The following PIGR variants were observed in gnomAD, a reference collection of about 807,000 sequenced individuals.
The protein encoded by PIGR is polymeric immunoglobulin receptor, also known as hepatocellular carcinoma associated protein TB6.
Under a neutral mutation model 69.5 loss-of-function variants are expected in PIGR, and 22 were observed. The ratio of observed to expected loss-of-function variants is 0.32; its 90% CI spans 0.23 to 0.45. The LOEUF (loss-of-function observed/expected upper bound fraction) is 0.45. PIGR is among the 20% of genes least tolerant of loss of function. The pLI is 1.00. For missense variants in PIGR, 885 were observed against 974.0 expected, an observed-to-expected ratio of 0.91 and a Z score of 1.22; for synonymous variants, 413 against 407.6, an observed-to-expected ratio of 1.01 and a Z score of -0.16.
rs917105320 is a variant in PIGR at position 206,935,156 on chromosome 1, A to T, written c.1378+330T>A. Among the ~76,000 whole-genome samples, 2 of 152,154 alleles carry T rather than the reference A, an allele frequency of 1.3e-5. No homozygotes were observed. Among genetic ancestry groups the T allele is most frequent in the African/African-American group, 2.4e-5 (1 of 41,420 alleles). ...ATCCAGAGTCTACCATAGACCATAG[A>T]TCTTCACACATGGACTTCAGTTTGC... On this transcript the variant is annotated intron_variant, in intron 5 of 10. Coordinates refer to ENST00000356495, the MANE Select transcript of PIGR (RefSeq NM_002644.4). This position sits in a 1 kb window ranked among gnomAD's most constrained non-coding sequence, Gnocchi z 4.4.
Position 206,946,341 on chromosome 1 carries a change from G to A in PIGR, c.-59C>T, listed in dbSNP as rs1680106615. On this transcript the variant is annotated 5_prime_UTR_variant, in exon 1 of 11. Coordinates refer to ENST00000356495, the MANE Select transcript of PIGR (RefSeq NM_002644.4). ...CCCAGAGCAGTAACACTTACTTTTA[G>A]CCACTTCCTTCTCTCCCGTTGATCT... 6.6e-6 allele frequency: 1 copy of A among 152,270 alleles called. No homozygotes were observed. Among genetic ancestry groups the A allele is most frequent in the Non-Finnish European group, 1.5e-5 (1 of 68,084 alleles). 9.4% of individuals were successfully genotyped at this position (152,270 alleles called of 1,614,324 possible). A position where few individuals can be genotyped will look rare whatever the true frequency, so the allele number is the denominator to read the frequency against.
chr1:206,931,889 C>A, intron 8 of PIGR, 87 bp from the exon 9 acceptor site: 1 of 1,463,390 alleles, frequency 6.8e-7, no homozygotes, highest in East Asian at 2.3e-5. Context: ...GGCGGATCCA[C>A]TGTAGCCCTG....
chr1:206,934,284 C>T (rs1300988083), intron 6 of PIGR, 136 bp downstream of exon 6: 12 of 694,914 alleles, frequency 1.7e-5, no homozygotes, highest in Non-Finnish European at 2.8e-5. Flanking sequence ...ATGTCCCCTC[C>T]CTTCCCACTC....
chr1:206,937,780 G>A (rs770226596), intron 3 of PIGR, 29 bp from the exon 4 acceptor site: 1 of 1,602,496 alleles, frequency 6.2e-7, no homozygotes, highest in Non-Finnish European at 8.5e-7. Flanking sequence ...AAGGTAGGGG[G>A]CAGGCAAGTT....
At chr1:206,933,230 A>G (rs2102597794) in intron 6 of PIGR, 64 bp from the exon 7 acceptor site, 3 of 1,541,148 alleles carry the variant, frequency 1.9e-6, no homozygotes, top group South Asian at 2.3e-5. Flanking sequence ...CTCGAGGTGA[A>G]GGAGTCTGGG....
In PIGR at chr1:206,930,897, A is replaced by G. The variant is rs1679725710; in HGVS notation, c.2200-484T>C. On this transcript the variant is annotated intron_variant, in intron 10 of 10. Transcript: ENST00000356495. This position sits in a 1 kb window ranked among gnomAD's most constrained non-coding sequence, Gnocchi z 4.3. ...TAGATATGATAAAAACAACAACAAC[A>G]ACAACAAAAACTCTCACCTCGGGAT... 1 of 985,348 alleles carries G rather than the reference A, an allele frequency of 1.0e-6. No individual in the cohort carries two copies. The highest frequency in any genetic ancestry group is 1.7e-5 in the African/African-American group (1 of 57,252). The allele number at this position is 985,348 out of a possible 1,614,324, so 61.0% of individuals were successfully genotyped here. A position where few individuals can be genotyped will look rare whatever the true frequency, so the allele number is the denominator to read the frequency against.
Position 206,935,500 on chromosome 1 carries a change from A to C in PIGR, c.1364T>G (p.Ile455Ser). The C allele has an allele frequency of 6.2e-7, 1 of 1,610,678 alleles. No homozygotes were observed. Among genetic ancestry groups the C allele is most frequent in the Non-Finnish European group, 8.5e-7 (1 of 1,177,234 alleles). ...TCAACTCCTACCTTCGATAATCTTGATCTCCACGGTGGTCCTCCAGAGAGT... is the reference window on the plus strand; with the variant it reads ...TCAACTCCTACCTTCGATAATCTTGCTCTCCACGGTGGTCCTCCAGAGAGT... ...GDTLWRTTVE[I>S]KIIEGEPNLK... The change falls in exon 5 of 11, where the codon ATC becomes AGC. Residue 455 changes from isoleucine (I) to serine (S), a missense_variant. Coordinates refer to ENST00000356495, the MANE Select transcript of PIGR (RefSeq NM_002644.4). The surrounding 1 kb of genome is among the most constrained non-coding windows in gnomAD (Gnocchi z 4.4).
At position 206,930,893 on chromosome 1, in the gene PIGR, C is replaced by G; in HGVS notation, c.2200-480G>C. The G allele has an allele frequency of 1.0e-6, 1 of 985,452 alleles. No individual in the cohort carries two copies. Among genetic ancestry groups the G allele is most frequent in the Non-Finnish European group, 1.2e-6 (1 of 829,934 alleles). 61.0% of individuals were successfully genotyped at this position (985,452 alleles called of 1,614,324 possible). A position where few individuals can be genotyped will look rare whatever the true frequency, so the allele number is the denominator to read the frequency against. Reference sequence around the variant, plus strand: ...AAAGTAGATATGATAAAAACAACAACAACAACAACAAAAACTCTCACCTCG... The same window carrying G: ...AAAGTAGATATGATAAAAACAACAAGAACAACAACAAAAACTCTCACCTCG... On this transcript the variant is annotated intron_variant, in intron 10 of 10. Transcript: ENST00000356495. The surrounding 1 kb of genome is among the most constrained non-coding windows in gnomAD (Gnocchi z 4.3).
In PIGR at chr1:206,932,528, G is replaced by T. The variant is rs758776914; in HGVS notation, c.1936C>A (p.Pro646Thr). The T allele has an allele frequency of 8.1e-6, 13 of 1,613,742 alleles. No homozygotes were observed. In the Admixed American group the frequency reaches 2.2e-4, roughly 27 times the overall value. The change falls in exon 8 of 11, where the codon CCC becomes ACC. Residue 646 changes from proline to threonine, a missense_variant. Transcript: ENST00000356495. ...CCCACTGCCAGCACCAGGCCCAGGG[G>T]CACCAGGGTGGAGACCAGCGCTCTG... ...SSRALVSTLV[P>T]LGLVLAVGAV...
At chr1:206,940,397 G>A in intron 2 of PIGR, 92 bp downstream of exon 2, 1 of 1,194,966 alleles carries the variant, frequency 8.4e-7, no homozygotes, top group Non-Finnish European at 1.2e-6. Context: ...CCCTGGGGAT[G>A]AGTCTGATTT....
In PIGR at chr1:206,932,498, C is replaced by T. The variant is rs148554144; in HGVS notation, c.1966G>A (p.Val656Met). 146 of 1,613,274 alleles carry T rather than the reference C, an allele frequency of 9.0e-5. 1 individual carries two copies. In the South Asian group the frequency reaches 1.0e-3, roughly 12 times the overall value. The change falls in exon 8 of 11, where the codon GTG becomes ATG. Residue 656 changes from valine (V) to methionine (M), a missense_variant. Coordinates refer to ENST00000356495, the MANE Select transcript of PIGR (RefSeq NM_002644.4). ...CGGGCTCTGGCCACCCCCACAGCCA[C>T]GGCTCCCACTGCCAGCACCAGGCCC... ...PLGLVLAVGA[V>M]AVGVARARHR...
chr1:206,939,516 T>C, intron 2 of PIGR, 53 bp from the exon 3 acceptor site: 1 of 1,326,892 alleles, frequency 7.5e-7, no homozygotes, highest in Non-Finnish European at 1.1e-6. Context: ...GTAAAGCCTG[T>C]TCCAGATAAC....
intron 6 of PIGR, among the ~76,000 whole-genome samples, chr1:206,933,873 C>CTTTTTT (rs576649135): frequency 7.1e-6 from 1 of 140,664 alleles, no homozygotes; most frequent in Non-Finnish European, 1.6e-5. Context: ...TGGGACTTGT[C>CTTTTTT]TTTTTTTTTT....
In PIGR at chr1:206,935,555, C is replaced by T. The variant is rs1308726558; in HGVS notation, c.1309G>A (p.Gly437Ser). 4.3e-6 allele frequency: 7 copies of T among 1,614,064 alleles called. No homozygotes were observed. The highest frequency in any genetic ancestry group is 4.5e-5 in the East Asian group (2 of 44,896). The change falls in exon 5 of 11, where the codon GGC becomes AGC. Residue 437 changes from glycine to serine, a missense_variant. By Grantham distance (56) the Gly-to-Ser change is moderately conservative. Transcript: ENST00000356495. This position sits in a 1 kb window ranked among gnomAD's most constrained non-coding sequence, Gnocchi z 4.4. Reference protein sequence around the residue: ...ILNQLTSRDAGFYWCLTNGDT... With the variant: ...ILNQLTSRDASFYWCLTNGDT... ...CCGTTGGTCAGACACCAGTAGAAGC[C>T]GGCGTCCCGGCTGGTGAGCTGGTTG... is the stretch of plus-strand genomic sequence containing the variant.
intron 8 of PIGR, 135 bp from the exon 9 acceptor site, chr1:206,931,937 A>T: frequency 1.1e-6 from 1 of 925,884 alleles, no homozygotes. Context: ...ACTATGACCC[A>T]GGGGGATGGA....
chr1:206,945,052 C>T (rs964735310), intron 1 of PIGR, among the ~76,000 whole-genome samples: 3 of 152,152 alleles, frequency 2.0e-5, no homozygotes, highest in African/African-American at 7.2e-5. Flanking sequence ...CCACAGAGGT[C>T]TAGCGGCACT....
At chr1:206,931,335 G>A in intron 10 of PIGR, 162 bp downstream of exon 10, 1 of 1,508,806 alleles carries the variant, frequency 6.6e-7, no homozygotes, top group Non-Finnish European at 8.8e-7. Flanking sequence ...GTAAGATATA[G>A]TTCTTCCTCA....
At chr1:206,931,168 G>C in intron 10 of PIGR, 2 of 985,454 alleles carry the variant, frequency 2.0e-6, no homozygotes, top group Non-Finnish European at 2.4e-6. Context: ...CCCAGGAAGA[G>C]CATCCATTTA....
Position 206,931,246 on chromosome 1 carries a change from C to T in PIGR, c.2199+251G>A, listed in dbSNP as rs999873972. The T allele has an allele frequency of 7.1e-6, 7 of 985,322 alleles. No homozygotes were observed. In the African/African-American group the frequency reaches 1.2e-4, roughly 17 times the overall value. 61.0% of individuals were successfully genotyped at this position (985,322 alleles called of 1,614,324 possible). ...CTGCTTTCCTCATCTCCTGGCCTGC[C>T]TCTCTCCTGCAGTTTTACAGCCTAA... is the stretch of plus-strand genomic sequence containing the variant. On this transcript the variant is annotated intron_variant, in intron 10 of 10. Transcript: ENST00000356495.
Sources: allele counts gnomAD v4.1 joint callset (sites outside exome capture counted in the v4.1 genomes callset), GRCh38; gene constraint gnomAD v4.1.1; non-coding constraint Gnocchi (gnomAD v3.1); transcripts MANE v1.5; gene names NCBI Gene and HGNC (gene_info 2026-07-23, HGNC 2026-07-21).